The following GALNTL5 variants were observed in gnomAD, a reference collection of about 807,000 sequenced individuals.
The protein encoded by GALNTL5 is polypeptide N-acetylgalactosaminyltransferase like 5, also known as inactive polypeptide N-acetylgalactosaminyltransferase-like protein 5.
Under a neutral mutation model 51.0 loss-of-function variants are expected in GALNTL5, and 44 were observed. The ratio of observed to expected loss-of-function variants is 0.86; its 90% CI spans 0.68 to 1.11. GALNTL5 has a LOEUF of 1.11. GALNTL5 is among the 50% of genes least tolerant of loss of function. The probability of loss-of-function intolerance (pLI) is 0.00; values close to 1 mark genes in which losing one functional copy is unlikely to be tolerated. For synonymous variants in GALNTL5, 192 were observed against 182.8 expected (o/e 1.05, Z -0.41); for missense variants, 528 against 531.8 (o/e 0.99, Z 0.07).
At chr7:151,999,419 T>C (rs1177710344) in intron 5 of GALNTL5, among the ~76,000 whole-genome samples, 1 of 152,230 alleles carries the variant, frequency 6.6e-6, no homozygotes, top group Non-Finnish European at 1.5e-5. Context: ...GTTTAATTTT[T>C]TGAGGAGCTG....
chr7:151,977,286 G>T (rs1225714646), intron 3 of GALNTL5, among the ~76,000 whole-genome samples: 2 of 152,072 alleles, frequency 1.3e-5, no homozygotes, highest in African/African-American at 4.8e-5. Context: ...TAAGTTATAA[G>T]TGGTGATGTC....
At chr7:152,015,453 G>A (rs562907725) in intron 8 of GALNTL5, among the ~76,000 whole-genome samples, 5 of 150,862 alleles carry the variant, frequency 3.3e-5, no homozygotes, top group Admixed American at 1.3e-4. Context: ...TCTGCCTCTC[G>A]GATTCAAGCG....
intron 6 of GALNTL5, 87 bp from the exon 7 acceptor site, chr7:152,007,740 A>G: frequency 1.2e-6 from 1 of 842,784 alleles, no homozygotes; most frequent in Non-Finnish European, 2.0e-6. Flanking sequence ...TTAAACTATA[A>G]GTTATTACTA....
intron 3 of GALNTL5, among the ~76,000 whole-genome samples, chr7:151,973,901 CCCCCATGCTGT>C (rs1156424904): frequency 3.9e-5 from 6 of 152,030 alleles, no homozygotes; most frequent in African/African-American, 7.3e-5. Context: ...GGAGTAGTTT[CCCCCATGCTGT>C]TCTCATGGTA....
intron 1 of GALNTL5, chr7:151,960,658 T>G (rs2080980474): frequency 6.6e-6 from 1 of 151,930 alleles, no homozygotes; most frequent in Admixed American, 6.6e-5. Flanking sequence ...CTCTCCAGAG[T>G]CCCCCCAGAT....
At chr7:151,989,031 C>T (rs1244579503) in intron 5 of GALNTL5, among the ~76,000 whole-genome samples, 1 of 152,142 alleles carries the variant, frequency 6.6e-6, no homozygotes, top group Non-Finnish European at 1.5e-5. Context: ...ATCATACTGT[C>T]TGTACTGTCC....
At position 152,016,194 on chromosome 7, in the gene GALNTL5, TG is replaced by T. The variant is rs2081810738; in HGVS notation, c.1176+1404del. On this transcript the variant is annotated intron_variant, in intron 8 of 8. Transcript: ENST00000392800. Reference sequence around the variant, plus strand: ...CCGAGGCAGGCAGATCACCTGAGGTTGGGAGTTCAAGACCAGCCTGACCAAC... The same window carrying T: ...CCGAGGCAGGCAGATCACCTGAGGTTGGAGTTCAAGACCAGCCTGACCAAC... Among the ~76,000 whole-genome samples the T allele has an allele frequency of 2.6e-5, 4 of 152,070 alleles. No homozygotes were observed. In the South Asian group the frequency reaches 8.3e-4, roughly 32 times the overall value.
chr7:151,998,816 CACG>C (rs1194654700), intron 5 of GALNTL5, among the ~76,000 whole-genome samples: 1 of 145,066 alleles, frequency 6.9e-6, no homozygotes, highest in East Asian at 2.1e-4. Flanking sequence ...AGGCAAAGTA[CACG>C]ACAATTTCAT....
At chr7:151,988,408 G>A (rs2081387534) in intron 5 of GALNTL5, among the ~76,000 whole-genome samples, 1 of 152,138 alleles carries the variant, frequency 6.6e-6, no homozygotes, top group South Asian at 2.1e-4. Flanking sequence ...ATTTGTAAGG[G>A]CATTCCTCAG....
chr7:152,014,673 A>T lies in GALNTL5; in HGVS notation c.1056A>T (p.Ile352=). The T allele has an allele frequency of 1.2e-6, 2 of 1,612,008 alleles. No homozygotes were observed. Among genetic ancestry groups the T allele is most frequent in the Non-Finnish European group, 1.7e-6 (2 of 1,179,272 alleles). The change falls in exon 8 of 9, where the codon ATA becomes ATT. Residue 352 remains isoleucine (I), a synonymous_variant. Coordinates refer to ENST00000392800, the MANE Select transcript of GALNTL5 (RefSeq NM_145292.4). ...GGATGTGTGGAGGCCAACTCTTTAT[A>T]ATCCCCTGCTCTCGAGTAGGACATA... ...RIWMCGGQLF[I]IPCSRVGHIS...
At chr7:151,970,105 C>T (rs2081114120) in intron 2 of GALNTL5, among the ~76,000 whole-genome samples, 1 of 149,840 alleles carries the variant, frequency 6.7e-6, no homozygotes, top group African/African-American at 2.4e-5. Flanking sequence ...CCACCGCACC[C>T]GGCCCCAAAA....
At chr7:151,990,567 C>A (rs1302347539) in intron 5 of GALNTL5, among the ~76,000 whole-genome samples, 1 of 1,164 alleles carries the variant, frequency 8.6e-4, no homozygotes, top group Non-Finnish European at 2.7e-3. Flanking sequence ...GGCGACAGAG[C>A]GAGACTCCAT....
chr7:151,985,783 C>T (rs1274422687), intron 4 of GALNTL5: 1 of 152,852 alleles, frequency 6.5e-6, no homozygotes, highest in Non-Finnish European at 1.5e-5. Flanking sequence ...ACTTTTCCCT[C>T]CTCTTGCTGC....
chr7:151,977,293 T>C (rs2081218512), intron 3 of GALNTL5, among the ~76,000 whole-genome samples: 1 of 152,286 alleles, frequency 6.6e-6, no homozygotes, highest in Non-Finnish European at 1.5e-5. Context: ...TAAGTGGTGA[T>C]GTCATTTCAA....
intron 5 of GALNTL5, among the ~76,000 whole-genome samples, chr7:151,997,696 T>G (rs2151954250): frequency 6.6e-6 from 1 of 152,310 alleles, no homozygotes; most frequent in South Asian, 2.1e-4. Context: ...TGCAAATATT[T>G]AAATCTTTCA....
intron 5 of GALNTL5, among the ~76,000 whole-genome samples, chr7:151,992,986 C>G (rs528339186): frequency 1.3e-5 from 2 of 152,090 alleles, no homozygotes; most frequent in African/African-American, 4.8e-5. Flanking sequence ...GCCTAGAATC[C>G]CCGCACTTTG....
intron 7 of GALNTL5, among the ~76,000 whole-genome samples, chr7:152,010,910 T>C (rs542305745): frequency 2.0e-5 from 3 of 152,330 alleles, no homozygotes; most frequent in South Asian, 2.1e-4. Context: ...TTAAGATACA[T>C]GTAAAGGATA....
intron 4 of GALNTL5, chr7:151,984,210 T>C (rs1016314433): frequency 6.6e-6 from 1 of 152,256 alleles, no homozygotes; most frequent in Non-Finnish European, 1.5e-5. Flanking sequence ...TAAGTGTGTA[T>C]TCTTTCATGC....
chr7:151,971,095 C>CTAGA lies in GALNTL5; in HGVS notation c.368+71_368+74dup, dbSNP rs550987811. On this transcript the variant is annotated intron_variant, in intron 3 of 8. Coordinates refer to ENST00000392800, the MANE Select transcript of GALNTL5 (RefSeq NM_145292.4). ...GTTGTCTCTCTCTTTCTCTCATTCTCTAGATAGATAGATAGATAGATAGAT... is the reference window on the plus strand; with the variant it reads ...GTTGTCTCTCTCTTTCTCTCATTCTCTAGATAGATAGATAGATAGATAGATAGAT... 1,852 of 1,120,576 alleles carry CTAGA rather than the reference C, an allele frequency of 1.7e-3. 19 individuals carry two copies. The African/African-American group carries it at 0.021, about 13-fold the overall frequency. 69.4% of individuals were successfully genotyped at this position (1,120,576 alleles called of 1,614,324 possible).
Sources: gnomAD v4.1 joint callset for allele counts (sites outside exome capture counted in the v4.1 genomes callset) on GRCh38, gnomAD v4.1.1 for gene constraint, MANE v1.5 for transcripts, NCBI Gene and HGNC (gene_info 2026-07-23, HGNC 2026-07-21) for gene names.